Variants in HYCC2 observed in about 807,000 individuals in gnomAD.
The protein encoded by HYCC2 is hyccin PI4KA lipid kinase complex subunit 2.
chr2:201,002,266 CT>C, the HYCC2 span, among the ~76,000 whole-genome samples: 7 of 146,194 alleles, frequency 4.8e-5, no homozygotes, highest in African/African-American at 7.6e-5. Context: ...AAACAAACCT[CT>C]CCCACCAATC....
chr2:201,008,880 G>T, the HYCC2 span: 1 of 786,778 alleles, frequency 1.3e-6, no homozygotes, highest in African/African-American at 1.7e-5. Context: ...TCCAGCCTGG[G>T]TGACAGAGTG....
the HYCC2 span, chr2:201,063,689 A>G: frequency 6.3e-7 from 1 of 1,576,882 alleles, no homozygotes. Context: ...TGGTTCTGGA[A>G]ACTTTGGTGG....
chr2:201,022,239 T>C, the HYCC2 span: 2 of 453,946 alleles, frequency 4.4e-6, no homozygotes, highest in African/African-American at 2.0e-5. Flanking sequence ...TGTGTGTATT[T>C]TGCATAAATT....
At chr2:201,013,469 C>T in the HYCC2 span, among the ~76,000 whole-genome samples, 6 of 145,168 alleles carry the variant, frequency 4.1e-5, no homozygotes, top group Non-Finnish European at 9.0e-5. Flanking sequence ...TGTGCCACTG[C>T]ACTCCATTTC....
At chr2:201,047,003 A>G in the HYCC2 span, among the ~76,000 whole-genome samples, 1 of 152,220 alleles carries the variant, frequency 6.6e-6, no homozygotes, top group Non-Finnish European at 1.5e-5. Flanking sequence ...AATGAAGTTA[A>G]CACACAAGGA....
chr2:201,066,887 T>C, the HYCC2 span: 8,043 of 160,476 alleles, frequency 0.05, 479 homozygotes, highest in African/African-American at 0.14. Context: ...TGCAGCCCCA[T>C]AGGCAGCCCA....
chr2:201,025,368 T>C, the HYCC2 span, among the ~76,000 whole-genome samples: 8 of 151,778 alleles, frequency 5.3e-5, no homozygotes, highest in African/African-American at 1.9e-4. Context: ...CAAATCCAGA[T>C]GTACACCCAC....
chr2:201,008,573 C>T, the HYCC2 span, among the ~76,000 whole-genome samples: 1 of 148,296 alleles, frequency 6.7e-6, no homozygotes, highest in African/African-American at 2.6e-5. Context: ...CCAGCCTAGG[C>T]AACATAACTA....
the HYCC2 span, among the ~76,000 whole-genome samples, chr2:201,031,629 C>G: frequency 1.3e-5 from 2 of 152,062 alleles, no homozygotes; most frequent in Non-Finnish European, 2.9e-5. Flanking sequence ...CTAGCGTGGG[C>G]GACAAGCAAA....
At chr2:201,050,107 G>C in the HYCC2 span, among the ~76,000 whole-genome samples, 1 of 151,690 alleles carries the variant, frequency 6.6e-6, no homozygotes, top group Non-Finnish European at 1.5e-5. Flanking sequence ...AGCTACTCAA[G>C]AGCCTGTGAG....
the HYCC2 span, among the ~76,000 whole-genome samples, chr2:200,998,063 C>T: frequency 4.6e-5 from 7 of 152,142 alleles, no homozygotes; most frequent in African/African-American, 1.7e-4. Context: ...ATCAATCATG[C>T]TTGAACAGAT....
At chr2:201,018,354 TA>T in the HYCC2 span, among the ~76,000 whole-genome samples, 16 of 151,258 alleles carry the variant, frequency 1.1e-4, no homozygotes, top group East Asian at 3.9e-4. Flanking sequence ...ACTAACTCTT[TA>T]AAAAAAAAGA....
At chr2:201,055,599 TG>T in the HYCC2 span, among the ~76,000 whole-genome samples, 1 of 152,124 alleles carries the variant, frequency 6.6e-6, no homozygotes, top group Non-Finnish European at 1.5e-5. Context: ...CTCCAGGGAC[TG>T]AGGTGAGAGG....
the HYCC2 span, among the ~76,000 whole-genome samples, chr2:201,019,396 A>AT: frequency 8.3e-3 from 1,263 of 152,248 alleles, 10 homozygotes; most frequent in Admixed American, 0.01. Context: ...TTGTAAGCGA[A>AT]TGGGGGGTAG....
the HYCC2 span, among the ~76,000 whole-genome samples, chr2:201,000,266 T>A: frequency 6.6e-6 from 1 of 151,148 alleles, no homozygotes; most frequent in Admixed American, 6.6e-5. Context: ...CTCAGGAAGC[T>A]GAGGCAGGAG....
At chr2:200,993,643 A>AT in the HYCC2 span, among the ~76,000 whole-genome samples, 1 of 152,016 alleles carries the variant, frequency 6.6e-6, no homozygotes, top group Non-Finnish European at 1.5e-5. Flanking sequence ...TTGTTTATAT[A>AT]TTTTTTATAG....
the HYCC2 span, among the ~76,000 whole-genome samples, chr2:201,039,903 A>T: frequency 1.1e-4 from 16 of 152,208 alleles, no homozygotes; most frequent in African/African-American, 2.9e-4. Context: ...GGCTGGGCAC[A>T]GTGGCTCACG....
chr2:201,032,945 A>T, the HYCC2 span, among the ~76,000 whole-genome samples: 1 of 152,134 alleles, frequency 6.6e-6, no homozygotes, highest in Non-Finnish European at 1.5e-5. Flanking sequence ...AAAACATTTT[A>T]AATGGTTTAA....
At chr2:201,054,400 G>T in the HYCC2 span, among the ~76,000 whole-genome samples, 2 of 152,164 alleles carry the variant, frequency 1.3e-5, no homozygotes, top group African/African-American at 4.8e-5. Context: ...ATGAAATGTG[G>T]GAATGGTCTT....
Sources: allele counts gnomAD v4.1 joint callset (sites outside exome capture counted in the v4.1 genomes callset), GRCh38; gene constraint gnomAD v4.1.1; transcripts MANE v1.5; gene names NCBI Gene and HGNC (gene_info 2026-07-23, HGNC 2026-07-21).